The following ANKRD46 variants were observed in gnomAD, a reference collection of about 807,000 sequenced individuals.
ANKRD46 encodes the protein ankyrin repeat domain-containing protein 46.
Under a neutral mutation model 19.8 loss-of-function variants are expected in ANKRD46, and 13 were observed. The ratio of observed to expected loss-of-function variants is 0.66; its 90% CI spans 0.43 to 1.04. ANKRD46 has a LOEUF of 1.04. Among genes scored for constraint, ANKRD46 ranks in the 50% least tolerant of loss-of-function variants. The probability of loss-of-function intolerance (pLI) is 0.00; values close to 1 mark genes in which losing one functional copy is unlikely to be tolerated. For missense variants in ANKRD46, 185 were observed against 274.8 expected, an observed-to-expected ratio of 0.67 and a Z score of 2.31; for synonymous variants, 91 against 106.9, an observed-to-expected ratio of 0.85 and a Z score of 0.92.
In ANKRD46 at chr8:100,543,535, A is replaced by G. The variant is rs1245843549; in HGVS notation, c.-130-10224T>C. On this transcript the variant is annotated intron_variant, in intron 1 of 4. Coordinates refer to ENST00000335659, the MANE Select transcript of ANKRD46 (RefSeq NM_001270377.2). This position sits in a 1 kb window ranked among gnomAD's most constrained non-coding sequence, Gnocchi z 4.2. ...ACTCAAGAGAACTACAGTGTTAAAC[A>G]AAGATAATTATGATTTAAAAATTAT... is the stretch of plus-strand genomic sequence containing the variant. Among the ~76,000 whole-genome samples, 1 of 152,104 alleles carries G rather than the reference A, an allele frequency of 6.6e-6. No homozygotes were observed. Among genetic ancestry groups the G allele is most frequent in the Non-Finnish European group, 1.5e-5 (1 of 68,040 alleles).
rs1291586149 is a variant in ANKRD46, at chr8:100,529,856, C to A, written c.-23G>T. ...CATTGTTCTGATGTGGTGGATGGAA[C>A]ACGCCTGTAATGAAATAGGTGAGTG... On this transcript the variant is annotated 5_prime_UTR_variant, in exon 3 of 5. Transcript: ENST00000335659. The surrounding 1 kb of genome is among the most constrained non-coding windows in gnomAD (Gnocchi z 5.8). The A allele has an allele frequency of 3.7e-6, 6 of 1,604,226 alleles. No homozygotes were observed. In the South Asian group the frequency reaches 6.6e-5, roughly 18 times the overall value.
chr8:100,529,593 C>G lies in ANKRD46; in HGVS notation c.241G>C (p.Ala81Pro). Residue 81 changes from alanine (A) to proline (P), a missense_variant, in exon 3 of 5, where the codon GCT becomes CCT. Physicochemically the swap from Ala to Pro is conservative, Grantham distance 27. Coordinates refer to ENST00000335659, the MANE Select transcript of ANKRD46 (RefSeq NM_001270377.2). The surrounding 1 kb of genome is among the most constrained non-coding windows in gnomAD (Gnocchi z 5.8). ...LLATDYQGNT[A>P]LHLCGHVDTI... Reference sequence around the variant, plus strand: ...TCCACATGGCCACAGAGGTGAAGAGCTGTGTTTCCTTGATAATCTGTGGCC... The same window carrying G: ...TCCACATGGCCACAGAGGTGAAGAGGTGTGTTTCCTTGATAATCTGTGGCC... 6.2e-7 allele frequency: 1 copy of G among 1,614,252 alleles called. No homozygotes were observed. Among genetic ancestry groups the G allele is most frequent in the Non-Finnish European group, 8.5e-7 (1 of 1,180,056 alleles).
intron 3 of ANKRD46, 122 bp from the exon 4 acceptor site, chr8:100,528,125 C>T: frequency 4.4e-6 from 5 of 1,127,426 alleles, no homozygotes; most frequent in Non-Finnish European, 5.9e-6. Flanking sequence ...AAAGAATGGG[C>T]CCAATTAGGG....
intron 5 of ANKRD46, among the ~76,000 whole-genome samples, chr8:100,513,287 A>T (rs1035816218): frequency 6.6e-6 from 1 of 152,204 alleles, no homozygotes; most frequent in African/African-American, 2.4e-5. Flanking sequence ...AGTTAGGCAG[A>T]ATCTGGTTTC....
chr8:100,522,288 G>C lies in ANKRD46; in HGVS notation c.*267C>G. The C allele has an allele frequency of 8.0e-7, 1 of 1,243,056 alleles. No individual in the cohort carries two copies. The highest frequency in any genetic ancestry group is 1.0e-6 in the Non-Finnish European group (1 of 987,390). The allele number at this position is 1,243,056 out of a possible 1,614,324, so 77.0% of individuals were successfully genotyped here. A position where few individuals can be genotyped will look rare whatever the true frequency, so the allele number is the denominator to read the frequency against. On this transcript the variant is annotated 3_prime_UTR_variant, in exon 5 of 5. Coordinates refer to ENST00000335659, the MANE Select transcript of ANKRD46 (RefSeq NM_001270377.2). ...TATCTTCCATTCTCTAGTCACTTCCGTGTTTTTATCAAACAAGGCTACGTG... is the reference window on the plus strand; with the variant it reads ...TATCTTCCATTCTCTAGTCACTTCCCTGTTTTTATCAAACAAGGCTACGTG...
chr8:100,510,541 T>A lies in ANKRD46; in HGVS notation c.*36A>T. On this transcript the variant is annotated 3_prime_UTR_variant, in exon 6 of 6. Transcript: ENST00000520552. This position sits in a 1 kb window ranked among gnomAD's most constrained non-coding sequence, Gnocchi z 4.9. ...CGTCTGTATCCCTTCTTTCTTGCCT[T>A]CTGAGGCTCAGGAGCACAGGACACT... The A allele has an allele frequency of 6.6e-7, 1 of 1,525,680 alleles. No homozygotes were observed. 94.5% of individuals were successfully genotyped at this position (1,525,680 alleles called of 1,614,324 possible). A position where few individuals can be genotyped will look rare whatever the true frequency, so the allele number is the denominator to read the frequency against.
chr8:100,541,061 C>T (rs527466609), intron 1 of ANKRD46, among the ~76,000 whole-genome samples: 48 of 150,090 alleles, frequency 3.2e-4, no homozygotes, highest in Middle Eastern at 3.4e-3. Flanking sequence ...CGAAGTTTCT[C>T]TGTTCCATTT....
rs34739403 is a variant in ANKRD46 at position 100,557,057 on chromosome 8, T to TA, written c.-131+2653dup. ...CACATATAACGATAGCTGATGAGCT[T>TA]AAAAAAAAATACAATCAATCTCATA... is the stretch of plus-strand genomic sequence containing the variant. On this transcript the variant is annotated intron_variant, in intron 1 of 4. Coordinates refer to ENST00000335659, the MANE Select transcript of ANKRD46 (RefSeq NM_001270377.2). This position sits in a 1 kb window ranked among gnomAD's most constrained non-coding sequence, Gnocchi z 5.9. Among the ~76,000 whole-genome samples, 65,033 of 151,234 alleles carry TA rather than the reference T, an allele frequency of 0.43. 14,126 individuals carry two copies. The highest frequency in any genetic ancestry group is 0.44 in the Non-Finnish European group (30,100 of 67,746).
rs1377934913 is a variant in ANKRD46, at chr8:100,544,776, T to C, written c.-130-11465A>G. On this transcript the variant is annotated intron_variant, in intron 1 of 4. Transcript: ENST00000335659. The surrounding 1 kb of genome is among the most constrained non-coding windows in gnomAD (Gnocchi z 4.4). ...TGAAAACTATAATGAAATATACAAA[T>C]ATAAGATGCTATATATTTTTTCTTA... Among the ~76,000 whole-genome samples the C allele has an allele frequency of 6.6e-6, 1 of 152,164 alleles. No homozygotes were observed. Among genetic ancestry groups the C allele is most frequent in the Non-Finnish European group, 1.5e-5 (1 of 68,018 alleles).
At chr8:100,554,824 G>A (rs1812461508) in intron 1 of ANKRD46, 1 of 152,022 alleles carries the variant, frequency 6.6e-6, no homozygotes. Context: ...TTGAGGTCAG[G>A]AGTTAGAGAC....
chr8:100,515,977 A>G (rs1409992468), downstream of ANKRD46, among the ~76,000 whole-genome samples: 2 of 151,990 alleles, frequency 1.3e-5, no homozygotes, highest in Non-Finnish European at 2.9e-5. Flanking sequence ...ATTTCAAGCA[A>G]TTCTCCTGCC....
downstream of ANKRD46, among the ~76,000 whole-genome samples, chr8:100,517,463 T>A (rs1461655465): frequency 2.0e-5 from 3 of 152,244 alleles, no homozygotes; most frequent in African/African-American, 7.2e-5. Context: ...AATACTGTTA[T>A]CAGCTAAGCT....
Position 100,550,058 on chromosome 8 carries a change from T to G in ANKRD46, c.-131+9653A>C, listed in dbSNP as rs1048761135. Among the ~76,000 whole-genome samples, 1 of 152,248 alleles carries G rather than the reference T, an allele frequency of 6.6e-6. No individual in the cohort carries two copies. The highest frequency in any genetic ancestry group is 6.5e-5 in the Admixed American group (1 of 15,292). On this transcript the variant is annotated intron_variant, in intron 1 of 4. Coordinates refer to ENST00000335659, the MANE Select transcript of ANKRD46 (RefSeq NM_001270377.2). This position sits in a 1 kb window ranked among gnomAD's most constrained non-coding sequence, Gnocchi z 4.4. ...CATTCTCTGTATGTATTACAGTTTA[T>G]CTGTTCACCTACTGAAGGACATCTT...
intron 1 of ANKRD46, among the ~76,000 whole-genome samples, chr8:100,558,563 C>T (rs530988234): frequency 2.6e-4 from 39 of 152,280 alleles, no homozygotes; most frequent in South Asian, 2.1e-4. Context: ...AGTTTTCTTA[C>T]TAAACTCCTT....
rs1022430143 is a variant in ANKRD46 at position 100,511,987 on chromosome 8, T to C, written c.637-1348A>G. Among the ~76,000 whole-genome samples, 40 of 152,222 alleles carry C rather than the reference T, an allele frequency of 2.6e-4. No homozygotes were observed. Among genetic ancestry groups the C allele is most frequent in the African/African-American group, 9.4e-4 (39 of 41,448 alleles). ...CTGCGGTGAGCCGAGATTGTGCCACTGCACTTCAGCCTGGGTGACACAGTG... is the reference window on the plus strand; with the variant it reads ...CTGCGGTGAGCCGAGATTGTGCCACCGCACTTCAGCCTGGGTGACACAGTG... On this transcript the variant is annotated intron_variant, in intron 5 of 5. Transcript: ENST00000520552. This position sits in a 1 kb window ranked among gnomAD's most constrained non-coding sequence, Gnocchi z 4.1.
chr8:100,521,984 A>G lies in ANKRD46; in HGVS notation c.*571T>C. On this transcript the variant is annotated 3_prime_UTR_variant, in exon 5 of 5. Transcript: ENST00000335659. Reference sequence around the variant, plus strand: ...TTTGAACAAAATATAGCTCATTTTCAAAAGTTTTGTTTGGTTTGTGACTAG... The same window carrying G: ...TTTGAACAAAATATAGCTCATTTTCGAAAGTTTTGTTTGGTTTGTGACTAG... 1 of 984,364 alleles carries G rather than the reference A, an allele frequency of 1.0e-6. No individual in the cohort carries two copies. The highest frequency in any genetic ancestry group is 1.2e-6 in the Non-Finnish European group (1 of 828,922). The allele number at this position is 984,364 out of a possible 1,614,324, so 61.0% of individuals were successfully genotyped here. A position where few individuals can be genotyped will look rare whatever the true frequency, so the allele number is the denominator to read the frequency against.
intron 5 of ANKRD46, among the ~76,000 whole-genome samples, chr8:100,515,141 T>A (rs1341487447): frequency 2.6e-5 from 4 of 152,238 alleles, no homozygotes; most frequent in Non-Finnish European, 4.4e-5. Context: ...CATTTTATAA[T>A]CCCAGGGCTT....
At chr8:100,553,619 T>C (rs371807469) in intron 1 of ANKRD46, among the ~76,000 whole-genome samples, 7 of 152,188 alleles carry the variant, frequency 4.6e-5, no homozygotes, top group African/African-American at 1.4e-4. Context: ...TGTGATGGCA[T>C]GTACCTGTAG....
At position 100,545,493 on chromosome 8, in the gene ANKRD46, T is replaced by C. The variant is rs990601141; in HGVS notation, c.-130-12182A>G. 6.6e-6 allele frequency among the ~76,000 whole-genome samples: 1 copy of C among 152,202 alleles called. No homozygotes were observed. The highest frequency in any genetic ancestry group is 6.5e-5 in the Admixed American group (1 of 15,278). On this transcript the variant is annotated intron_variant, in intron 1 of 4. Coordinates refer to ENST00000335659, the MANE Select transcript of ANKRD46 (RefSeq NM_001270377.2). The surrounding 1 kb of genome is among the most constrained non-coding windows in gnomAD (Gnocchi z 4.7). The stretch of plus-strand genomic sequence containing the variant: ...CATAACCTTCCACCATGATTCTAAG[T>C]TCCTTGAAGCCTCCCCAGCCATGTG...
Sources: gnomAD v4.1 joint callset for allele counts (sites outside exome capture counted in the v4.1 genomes callset) on GRCh38, gnomAD v4.1.1 for gene constraint, Gnocchi (gnomAD v3.1) non-coding constraint, MANE v1.5 for transcripts, NCBI Gene and HGNC (gene_info 2026-07-23, HGNC 2026-07-21) for gene names.